ANKS1B: variants seen among roughly 807,000 people sequenced by gnomAD.
The protein encoded by ANKS1B is ankyrin repeat and sterile alpha motif domain-containing protein 1B.
In ANKS1B, 36 loss-of-function variants were observed where a neutral mutation model predicts 148.3. The observed-to-expected ratio is 0.24, with a 90% CI of 0.19 to 0.32. ANKS1B has a LOEUF of 0.32. Ranked by LOEUF, ANKS1B falls within the 10% of genes least tolerant of loss-of-function variation. ANKS1B has a pLI of 1.00. For synonymous variants in ANKS1B, 542 were observed against 560.8 expected (o/e 0.97, Z 0.47); for missense variants, 1,157 against 1,542.6 (o/e 0.75, Z 4.19).
chr12:99,463,535 G>C (rs1481867412), intron 10 of ANKS1B, among the ~76,000 whole-genome samples: 5 of 152,186 alleles, frequency 3.3e-5, no homozygotes, highest in Admixed American at 2.0e-4. Context: ...CCCTTTCCTA[G>C]TCAAAGAAAG....
chr12:98,781,200 A>C lies in ANKS1B; in HGVS notation c.3358T>G (p.Ser1120Ala). The change falls in exon 24 of 27, where the codon TCT becomes GCT. Residue 1120 changes from serine to alanine, a missense_variant. This residue lies in a region of ANKS1B where 258 missense variants were observed against 497.0 expected (regional missense o/e 0.52). Transcript: ENST00000683438. ...CAKMRANCQK[S>A]TEQMKKVPTI... ...GGGACCTTCTTCATTTGCTCTGTAG[A>C]CTTCTGAAATTAAAATTAGAAAGCT... 6.4e-7 allele frequency: 1 copy of C among 1,570,294 alleles called. No individual in the cohort carries two copies. Among genetic ancestry groups the C allele is most frequent in the Non-Finnish European group, 8.7e-7 (1 of 1,153,908 alleles).
At chr12:99,723,911 G>A (rs751500172) in intron 8 of ANKS1B, among the ~76,000 whole-genome samples, 2 of 151,980 alleles carry the variant, frequency 1.3e-5, no homozygotes, top group Admixed American at 6.6e-5. Flanking sequence ...TACAGAAGAG[G>A]GGCCTGACCA....
chr12:98,736,133 G>C (rs2097771799), intron 9 of ANKS1B, among the ~76,000 whole-genome samples: 1 of 152,186 alleles, frequency 6.6e-6, no homozygotes, highest in Admixed American at 6.5e-5. Context: ...CTTCACTTTT[G>C]ACTCTGGGAG....
intron 17 of ANKS1B, among the ~76,000 whole-genome samples, chr12:98,965,374 C>T (rs1336351358): frequency 6.6e-6 from 1 of 152,114 alleles, no homozygotes; most frequent in Non-Finnish European, 1.5e-5. Flanking sequence ...ATAAAGCATC[C>T]AATATCATGC....
intron 12 of ANKS1B, among the ~76,000 whole-genome samples, chr12:99,279,432 A>G (rs549804388): frequency 6.6e-6 from 1 of 152,242 alleles, no homozygotes; most frequent in African/African-American, 2.4e-5. Flanking sequence ...CATCATCCAA[A>G]AAAGAAACCT....
chr12:99,807,592 A>G (rs2067798868), intron 3 of ANKS1B, among the ~76,000 whole-genome samples: 1 of 152,166 alleles, frequency 6.6e-6, no homozygotes, highest in Non-Finnish European at 1.5e-5. Flanking sequence ...AGCTGCCACC[A>G]TCAGAGTTAT....
At chr12:98,936,380 G>A (rs2099818676) in intron 17 of ANKS1B, among the ~76,000 whole-genome samples, 1 of 152,180 alleles carries the variant, frequency 6.6e-6, no homozygotes, top group Non-Finnish European at 1.5e-5. Context: ...TGTAATCCCA[G>A]CACTTTGGGA....
chr12:99,492,092 G>T (rs777191620), intron 10 of ANKS1B, among the ~76,000 whole-genome samples: 38 of 151,924 alleles, frequency 2.5e-4, no homozygotes, highest in Non-Finnish European at 4.9e-4. Flanking sequence ...ATGAAAAACC[G>T]TTCAAAAGAG....
intron 17 of ANKS1B, among the ~76,000 whole-genome samples, chr12:98,879,091 G>T (rs2099699675): frequency 6.6e-6 from 1 of 152,122 alleles, no homozygotes; most frequent in Admixed American, 6.5e-5. Context: ...AGTTCTTGTT[G>T]TTAAACTTAA....
chr12:99,975,412 C>T (rs1251055222), intron 1 of ANKS1B, among the ~76,000 whole-genome samples: 2 of 152,158 alleles, frequency 1.3e-5, no homozygotes, highest in Non-Finnish European at 2.9e-5. Flanking sequence ...GCACTGGGTC[C>T]ATGACGTTAG....
At chr12:99,461,318 G>C (rs2095963639) in intron 10 of ANKS1B, among the ~76,000 whole-genome samples, 1 of 151,782 alleles carries the variant, frequency 6.6e-6, no homozygotes. Flanking sequence ...CTACACATTG[G>C]GTACAGTGTA....
chr12:99,391,906 C>T (rs1567014037), intron 12 of ANKS1B, among the ~76,000 whole-genome samples: 1 of 152,206 alleles, frequency 6.6e-6, no homozygotes, highest in South Asian at 2.1e-4. Flanking sequence ...ATATAATTTA[C>T]CATTACATCT....
At chr12:99,785,619 G>C (rs1172632273) in intron 4 of ANKS1B, among the ~76,000 whole-genome samples, 1 of 152,086 alleles carries the variant, frequency 6.6e-6, no homozygotes, top group Non-Finnish European at 1.5e-5. Flanking sequence ...GTTTAGTAGA[G>C]AGGGGCTTTC....
At chr12:99,218,521 T>C (rs1163717532) in intron 14 of ANKS1B, among the ~76,000 whole-genome samples, 2 of 152,200 alleles carry the variant, frequency 1.3e-5, no homozygotes, top group Non-Finnish European at 2.9e-5. Flanking sequence ...TTGACTCTTT[T>C]ATATCACCTC....
At chr12:99,913,350 A>T (rs576197782) in intron 1 of ANKS1B, among the ~76,000 whole-genome samples, 1 of 152,334 alleles carries the variant, frequency 6.6e-6, no homozygotes, top group East Asian at 1.9e-4. Flanking sequence ...GGAAACATCA[A>T]ATTTTGTATT....
intron 24 of ANKS1B, among the ~76,000 whole-genome samples, chr12:98,773,580 G>A (rs1406213264): frequency 3.3e-5 from 5 of 151,972 alleles, no homozygotes; most frequent in African/African-American, 9.7e-5. Flanking sequence ...TCAGCCTCCC[G>A]AATAGCTGGG....
At chr12:98,802,496 C>T (rs1229311195) in intron 20 of ANKS1B, among the ~76,000 whole-genome samples, 1 of 150,036 alleles carries the variant, frequency 6.7e-6, no homozygotes, top group East Asian at 2.0e-4. Flanking sequence ...AACTAGCTCT[C>T]CAATTTTCTT....
intron 9 of ANKS1B, among the ~76,000 whole-genome samples, chr12:99,634,579 T>C (rs10860479): frequency 0.18 from 28,031 of 152,128 alleles, 2,827 homozygotes; most frequent in Admixed American, 0.24. Context: ...ATATTAAATG[T>C]TGTAAAATGC....
intron 17 of ANKS1B, among the ~76,000 whole-genome samples, chr12:98,862,699 A>G (rs1199711784): frequency 6.6e-6 from 1 of 152,216 alleles, no homozygotes; most frequent in Non-Finnish European, 1.5e-5. Context: ...AAACTGGTTC[A>G]TTGAATCCCA....
Sources: allele counts gnomAD v4.1 joint callset (sites outside exome capture counted in the v4.1 genomes callset), GRCh38; gene constraint gnomAD v4.1.1; regional missense constraint gnomAD v4.1.1; transcripts MANE v1.5; gene names NCBI Gene and HGNC (gene_info 2026-07-23, HGNC 2026-07-21).